The following NIPBL variants were observed in gnomAD, a reference collection of about 807,000 sequenced individuals.
The protein encoded by NIPBL is nipped-B-like protein.
In NIPBL, 19 loss-of-function variants were observed where a neutral mutation model predicts 321.8. The observed-to-expected ratio is 0.06, with a 90% CI of 0.04 to 0.09. The LOEUF is 0.09. Ranked by LOEUF, NIPBL falls within the 10% of genes least tolerant of loss-of-function variation. NIPBL has a pLI of 1.00. For synonymous variants in NIPBL, 1,106 were observed against 1,114.1 expected (o/e 0.99, Z 0.14); for missense variants, 2,210 against 3,327.0 (o/e 0.66, Z 8.26).
At chr5:36,891,722 TAA>T (rs1746346680) in intron 1 of NIPBL, among the ~76,000 whole-genome samples, 1 of 152,106 alleles carries the variant, frequency 6.6e-6, no homozygotes, top group Non-Finnish European at 1.5e-5. Context: ...AGTTATTTAG[TAA>T]TGGAGTATGT....
chr5:36,905,207 T>G (rs752209486), intron 1 of NIPBL, among the ~76,000 whole-genome samples: 12 of 152,182 alleles, frequency 7.9e-5, no homozygotes, highest in Non-Finnish European at 1.2e-4. Flanking sequence ...AAAGGGGTAA[T>G]AAGCAATGAA....
chr5:36,958,259 T>C (rs779837088), intron 4 of NIPBL, 28 bp downstream of exon 4: 1 of 1,610,370 alleles, frequency 6.2e-7, no homozygotes. Flanking sequence ...TGAATTCCCA[T>C]ATCAAACTTG....
At chr5:37,052,621 A>T in intron 42 of NIPBL, 55 bp downstream of exon 42, 1 of 1,346,006 alleles carries the variant, frequency 7.4e-7, no homozygotes, top group Non-Finnish European at 1.1e-6. Flanking sequence ...AATTTTATGG[A>T]TAAAGTAGTC....
intron 9 of NIPBL, 63 bp downstream of exon 9, chr5:36,976,465 A>G (rs764951397): frequency 6.4e-7 from 1 of 1,563,436 alleles, no homozygotes; most frequent in Non-Finnish European, 8.7e-7. Flanking sequence ...AGTGTCAAAA[A>G]TTTTTTTCAC....
At chr5:37,042,741 A>G (rs1752547526) in intron 34 of NIPBL, among the ~76,000 whole-genome samples, 1 of 149,120 alleles carries the variant, frequency 6.7e-6, no homozygotes, top group Admixed American at 6.7e-5. Context: ...GAGGAGAATC[A>G]CTTGAACTCA....
intron 1 of NIPBL, among the ~76,000 whole-genome samples, chr5:36,937,935 C>T (rs1323862725): frequency 6.6e-6 from 1 of 152,140 alleles, no homozygotes; most frequent in Non-Finnish European, 1.5e-5. Context: ...ATCTGAAGCA[C>T]TTATTAAATA....
Position 37,024,696 on chromosome 5 carries a change from G to A in NIPBL, c.5686G>A (p.Val1896Ile). The change falls in exon 30 of 47, where the codon GTC becomes ATC. Residue 1896 changes from valine to isoleucine, a missense_variant. By Grantham distance (29) the Val-to-Ile change is conservative. Coordinates refer to ENST00000282516, the MANE Select transcript of NIPBL (RefSeq NM_133433.4). ...AATGTGTGTAAAAATGATTCGCAGAGTCAATGATGAAGAGGGCATTAAGGT... is the reference window on the plus strand; with the variant it reads ...AATGTGTGTAAAAATGATTCGCAGAATCAATGATGAAGAGGGCATTAAGGT... ...TEMCVKMIRR[V>I]NDEEGIKKLV... 6.2e-7 allele frequency: 1 copy of A among 1,612,370 alleles called. No homozygotes were observed. Among genetic ancestry groups the A allele is most frequent in the Non-Finnish European group, 8.5e-7 (1 of 1,178,914 alleles).
chr5:36,904,258 C>A (rs999664852), intron 1 of NIPBL, among the ~76,000 whole-genome samples: 9 of 152,242 alleles, frequency 5.9e-5, no homozygotes, highest in Non-Finnish European at 1.3e-4. Flanking sequence ...ATCACAAGGT[C>A]AGGAGTTTGA....
rs1754399890 is a variant in NIPBL, at chr5:37,059,171, G to C, written c.7685+6G>C. The C allele has an allele frequency of 1.9e-6, 3 of 1,613,884 alleles. No homozygotes were observed. The highest frequency in any genetic ancestry group is 2.5e-6 in the Non-Finnish European group (3 of 1,179,894). ...CTTTGTGGATTTTCTGATAGGTAAG[G>C]TTACATAAGCAGTGAGAGAAAAAAC... On this transcript the variant is annotated splice_donor_region_variant and intron_variant, in intron 44 of 46. Transcript: ENST00000282516.
chr5:36,884,281 C>G (rs186164193), intron 1 of NIPBL, among the ~76,000 whole-genome samples: 83 of 152,108 alleles, frequency 5.5e-4, no homozygotes, highest in African/African-American at 1.9e-3. Flanking sequence ...GTTACTTTCC[C>G]TGATGAAACC....
chr5:37,053,061 C>T (rs528548130), intron 42 of NIPBL, among the ~76,000 whole-genome samples: 2 of 152,194 alleles, frequency 1.3e-5, no homozygotes, highest in East Asian at 3.9e-4. Flanking sequence ...ATGCATGAAA[C>T]CATGGATAGT....
chr5:36,953,165 GAC>G (rs1206363761), intron 1 of NIPBL, among the ~76,000 whole-genome samples: 4 of 152,136 alleles, frequency 2.6e-5, no homozygotes, highest in South Asian at 2.1e-4. Flanking sequence ...AATGATAAAA[GAC>G]ACAGCTAGAA....
chr5:37,019,548 G>A (rs1749388724), intron 25 of NIPBL, 148 bp downstream of exon 25: 1 of 671,968 alleles, frequency 1.5e-6, no homozygotes, highest in South Asian at 1.6e-5. Context: ...AATCTAAACA[G>A]AAAAGAATGC....
At position 37,037,392 on chromosome 5, in the gene NIPBL, AATAT is replaced by A. The variant is rs377464793; in HGVS notation, c.5971+918_5971+921del. On this transcript the variant is annotated intron_variant, in intron 33 of 46. Transcript: ENST00000282516. ...GACAGAGGGAGACTCCGTCTCAAAAAATATATATATATATATGTATATATATATA... is the reference window on the plus strand; with the variant it reads ...GACAGAGGGAGACTCCGTCTCAAAAAATATATATATATGTATATATATATA... 2.1e-5 allele frequency among the ~76,000 whole-genome samples: 3 copies of A among 145,740 alleles called. No homozygotes were observed. In the East Asian group the frequency reaches 5.9e-4, roughly 29 times the overall value.
chr5:36,990,506 T>C (rs917863301), intron 10 of NIPBL, among the ~76,000 whole-genome samples: 5 of 152,230 alleles, frequency 3.3e-5, no homozygotes, highest in African/African-American at 1.2e-4. Context: ...AGTGGAAATT[T>C]ATTTTGTTTC....
At chr5:37,036,132 G>T (rs1306663675) in intron 32 of NIPBL, among the ~76,000 whole-genome samples, 1 of 151,708 alleles carries the variant, frequency 6.6e-6, no homozygotes, top group Non-Finnish European at 1.5e-5. Flanking sequence ...TAAGTACTTT[G>T]TAGTAAAATT....
At chr5:36,906,807 T>C (rs982258839) in intron 1 of NIPBL, among the ~76,000 whole-genome samples, 2 of 152,194 alleles carry the variant, frequency 1.3e-5, no homozygotes, top group African/African-American at 4.8e-5. Flanking sequence ...ATTTTAAATA[T>C]TTTCTAGAAC....
At chr5:37,005,416 T>C (rs908024290) in intron 16 of NIPBL, among the ~76,000 whole-genome samples, 1 of 152,162 alleles carries the variant, frequency 6.6e-6, no homozygotes, top group African/African-American at 2.4e-5. Context: ...GCTGGCTGAC[T>C]CAGTCTTAAG....
rs1264956645 is a variant in NIPBL at position 36,985,608 on chromosome 5, G to A, written c.2428G>A (p.Val810Ile). ...AAAGCAGAGACCTGATGGGCGATCT[G>A]TTTCTGAGTCACTAAGACGTGACCA... Reference protein sequence around the residue: ...ALKQRPDGRSVSESLRRDHDN... With the variant: ...ALKQRPDGRSISESLRRDHDN... The change falls in exon 10 of 47, where the codon GTT becomes ATT. Residue 810 changes from valine to isoleucine, a missense_variant. This residue lies in a region of NIPBL where 588 missense variants were observed against 564.1 expected (regional missense o/e 1.04). Coordinates refer to ENST00000282516, the MANE Select transcript of NIPBL (RefSeq NM_133433.4). 6.2e-7 allele frequency: 1 copy of A among 1,613,938 alleles called. No homozygotes were observed. The highest frequency in any genetic ancestry group is 1.1e-5 in the South Asian group (1 of 91,078).
Sources: allele counts gnomAD v4.1 joint callset (sites outside exome capture counted in the v4.1 genomes callset), GRCh38; gene constraint gnomAD v4.1.1; regional missense constraint gnomAD v4.1.1; transcripts MANE v1.5; gene names NCBI Gene and HGNC (gene_info 2026-07-23, HGNC 2026-07-21).